The following ROBO1 variants were observed in gnomAD, a reference collection of about 807,000 sequenced individuals.
ROBO1 encodes the protein roundabout guidance receptor 1.
Under a neutral mutation model 195.9 loss-of-function variants are expected in ROBO1, and 149 were observed. The ratio of observed to expected loss-of-function variants is 0.76; its 90% CI spans 0.67 to 0.87. ROBO1 has a LOEUF of 0.87. ROBO1 is among the 40% of genes least tolerant of loss of function. The probability of loss-of-function intolerance (pLI) is 0.00; values close to 1 mark genes in which losing one functional copy is unlikely to be tolerated. For missense variants in ROBO1, 1,933 were observed against 2,068.3 expected (o/e 0.93, Z 1.27); for synonymous variants, 816 against 733.2 (o/e 1.11, Z -1.82).
chr3:79,376,700 T>TC (rs562299052), intron 2 of ROBO1, among the ~76,000 whole-genome samples: 206 of 152,282 alleles, frequency 1.4e-3, no homozygotes, highest in African/African-American at 4.6e-3. Context: ...GAACTGTGAG[T>TC]CAATTAACCC....
intron 4 of ROBO1, among the ~76,000 whole-genome samples, chr3:78,866,659 G>C (rs547416964): frequency 6.6e-6 from 1 of 152,126 alleles, no homozygotes. Flanking sequence ...ATACATTTGG[G>C]AATCTCTGAA....
chr3:79,600,002 T>C (rs2107860982), intron 1 of ROBO1, among the ~76,000 whole-genome samples: 1 of 152,074 alleles, frequency 6.6e-6, no homozygotes, highest in African/African-American at 2.4e-5. Flanking sequence ...CTTAAAAGTA[T>C]ACTCATGTAC....
intron 4 of ROBO1, among the ~76,000 whole-genome samples, chr3:78,791,066 G>A (rs1042475293): frequency 6.6e-6 from 1 of 152,152 alleles, no homozygotes; most frequent in Non-Finnish European, 1.5e-5. Context: ...CCTCAGTCTC[G>A]TGGAGGAGAC....
intron 2 of ROBO1, among the ~76,000 whole-genome samples, chr3:79,151,169 T>G (rs2080762035): frequency 6.6e-6 from 1 of 151,882 alleles, no homozygotes; most frequent in South Asian, 2.1e-4. Flanking sequence ...TTGCAAGGCC[T>G]CTCCAGCCAT....
chr3:78,916,288 C>A (rs1368055508), intron 4 of ROBO1, among the ~76,000 whole-genome samples: 4 of 146,196 alleles, frequency 2.7e-5, no homozygotes, highest in African/African-American at 1.0e-4. Flanking sequence ...TCTAAAGTGT[C>A]ACGCCTGTAA....
At chr3:79,572,700 CAA>C (rs1242817552) in intron 2 of ROBO1, among the ~76,000 whole-genome samples, 1 of 151,840 alleles carries the variant, frequency 6.6e-6, no homozygotes, top group African/African-American at 2.4e-5. Flanking sequence ...AGTAGTAAAA[CAA>C]GAGTAAAAGT....
At chr3:79,103,472 A>G (rs149779618) in intron 3 of ROBO1, among the ~76,000 whole-genome samples, 25 of 151,930 alleles carry the variant, frequency 1.6e-4, no homozygotes, top group Non-Finnish European at 3.1e-4. Context: ...ACAAAGGCTA[A>G]CCTTAGTTTA....
chr3:78,618,293 C>T (rs567417146), intron 26 of ROBO1, among the ~76,000 whole-genome samples: 7 of 152,172 alleles, frequency 4.6e-5, no homozygotes, highest in African/African-American at 1.7e-4. Flanking sequence ...ATCTCTAAGC[C>T]TTCTTATGTT....
chr3:78,611,634 G>A (rs144231777), intron 28 of ROBO1, among the ~76,000 whole-genome samples: 45 of 152,312 alleles, frequency 3.0e-4, no homozygotes, highest in African/African-American at 9.1e-4. Flanking sequence ...CCACAATGCC[G>A]GGTGTCAGGG....
At chr3:78,602,587 A>G (rs1273219629) in intron 29 of ROBO1, among the ~76,000 whole-genome samples, 7 of 152,200 alleles carry the variant, frequency 4.6e-5, no homozygotes, top group Admixed American at 3.9e-4. Flanking sequence ...TTTCTAAAAT[A>G]TAACTGTCAT....
At chr3:79,184,279 G>T (rs2081397162) in intron 2 of ROBO1, among the ~76,000 whole-genome samples, 2 of 152,174 alleles carry the variant, frequency 1.3e-5, no homozygotes, top group South Asian at 4.2e-4. Context: ...CCTCAATCGG[G>T]CCTCTTTTTA....
intron 2 of ROBO1, among the ~76,000 whole-genome samples, chr3:79,575,523 T>A (rs1477993272): frequency 2.2e-5 from 3 of 137,854 alleles, no homozygotes; most frequent in African/African-American, 8.0e-5. Context: ...TATATATAAA[T>A]ATATATAACA....
At chr3:78,614,488 C>CA in intron 28 of ROBO1, among the ~76,000 whole-genome samples, 160 bp downstream of exon 28, 1 of 151,996 alleles carries the variant, frequency 6.6e-6, no homozygotes, top group East Asian at 1.9e-4. Context: ...AGATGCTTGA[C>CA]AAAATATGTA....
chr3:79,656,856 C>T (rs759163580), intron 1 of ROBO1, among the ~76,000 whole-genome samples: 13 of 151,548 alleles, frequency 8.6e-5, no homozygotes, highest in Non-Finnish European at 1.3e-4. Flanking sequence ...GTGATTGTGC[C>T]ACTGCACTCT....
chr3:79,456,016 T>TA (rs1421058085), intron 2 of ROBO1, among the ~76,000 whole-genome samples: 2 of 152,136 alleles, frequency 1.3e-5, no homozygotes, highest in Non-Finnish European at 2.9e-5. Context: ...TGGTTGGTAT[T>TA]AAGCTTCTTA....
At chr3:78,817,588 T>C (rs1287908907) in intron 4 of ROBO1, among the ~76,000 whole-genome samples, 2 of 152,148 alleles carry the variant, frequency 1.3e-5, no homozygotes, top group Non-Finnish European at 2.9e-5. Flanking sequence ...AGAAAAGTCA[T>C]TTCATATAAT....
chr3:79,182,909 T>C (rs1057466197), intron 2 of ROBO1, among the ~76,000 whole-genome samples: 19 of 151,924 alleles, frequency 1.3e-4, no homozygotes, highest in Non-Finnish European at 1.8e-4. Flanking sequence ...GGTGAAACCC[T>C]GTCTTTACTA....
intron 8 of ROBO1, among the ~76,000 whole-genome samples, chr3:78,691,094 C>A (rs1486832968): frequency 1.3e-5 from 2 of 152,044 alleles, no homozygotes; most frequent in Admixed American, 6.6e-5. Context: ...CTTTTAAAAA[C>A]CCTCTTCTAT....
chr3:78,880,194 C>T (rs898717172), intron 4 of ROBO1, among the ~76,000 whole-genome samples: 3 of 152,040 alleles, frequency 2.0e-5, no homozygotes, highest in African/African-American at 7.2e-5. Flanking sequence ...CATGCTAAAA[C>T]TTTAAACTTT....
Sources: allele counts gnomAD v4.1 joint callset (sites outside exome capture counted in the v4.1 genomes callset), GRCh38; gene constraint gnomAD v4.1.1; transcripts MANE v1.5; gene names NCBI Gene and HGNC (gene_info 2026-07-23, HGNC 2026-07-21).